Variants in CCSER1 observed in about 807,000 individuals in gnomAD.
CCSER1 encodes the protein serine-rich coiled-coil domain-containing protein 1.
A neutral mutation model predicts 82.0 loss-of-function variants in CCSER1; 41 were observed. The observed-to-expected ratio is 0.50, with a 90% CI of 0.39 to 0.65. The LOEUF is 0.65. CCSER1 is among the 30% of genes least tolerant of loss of function. The probability of loss-of-function intolerance (pLI) is 0.00; values close to 1 mark genes in which losing one functional copy is unlikely to be tolerated. For missense variants in CCSER1, 1,119 were observed against 1,064.2 expected (o/e 1.05, Z -0.72); for synonymous variants, 414 against 383.9 (o/e 1.08, Z -0.92).
At chr4:90,441,044 T>G (rs571194561) in intron 4 of CCSER1, among the ~76,000 whole-genome samples, 2 of 152,292 alleles carry the variant, frequency 1.3e-5, no homozygotes, top group East Asian at 3.9e-4. Flanking sequence ...AACAATGGCA[T>G]AAAGGCCATT....
rs796259523 is a variant in CCSER1, at chr4:90,276,298, CCTTCCTTCCTTT to C, written c.-41-31942_-41-31931del. On this transcript the variant is annotated intron_variant, in intron 1 of 10. Coordinates refer to ENST00000509176, the MANE Select transcript of CCSER1 (RefSeq NM_001145065.2). The stretch of plus-strand genomic sequence containing the variant: ...TCCTTCCTTCCTTCCTTCCTTCCTT[CCTTCCTTCCTTT>C]CTTTCTTTTTCTTTCTTTCTTTCTT... Among the ~76,000 whole-genome samples, 1,216 of 122,584 alleles carry C rather than the reference CCTTCCTTCCTTT, an allele frequency of 9.9e-3. 32 individuals carry two copies. The highest frequency in any genetic ancestry group is 0.018 in the South Asian group (63 of 3,506). 80.4% of individuals were successfully genotyped at this position (122,584 alleles called of 152,430 possible).
chr4:90,748,193 C>T (rs1482881497), intron 7 of CCSER1, among the ~76,000 whole-genome samples: 2 of 107,972 alleles, frequency 1.9e-5, no homozygotes, highest in Admixed American at 1.0e-4. Context: ...CCCCTCCCCC[C>T]ACCCCACAAT....
intron 10 of CCSER1, among the ~76,000 whole-genome samples, chr4:91,522,104 G>C (rs1262555734): frequency 6.6e-6 from 1 of 152,168 alleles, no homozygotes; most frequent in African/African-American, 2.4e-5. Flanking sequence ...CATATGGCTA[G>C]CCCGTTTTCC....
intron 8 of CCSER1, among the ~76,000 whole-genome samples, chr4:90,907,438 A>G (rs1046684242): frequency 2.0e-5 from 3 of 152,076 alleles, no homozygotes; most frequent in Non-Finnish European, 4.4e-5. Context: ...ATATGTCTGT[A>G]TTCATCATTT....
intron 6 of CCSER1, among the ~76,000 whole-genome samples, chr4:90,714,642 G>A (rs1741296647): frequency 6.6e-6 from 1 of 151,878 alleles, no homozygotes; most frequent in Non-Finnish European, 1.5e-5. Context: ...ATAGCACCTT[G>A]GGGGAATGCT....
At chr4:90,968,000 C>T (rs1390732809) in intron 9 of CCSER1, among the ~76,000 whole-genome samples, 3 of 151,990 alleles carry the variant, frequency 2.0e-5, no homozygotes, top group African/African-American at 7.3e-5. Flanking sequence ...CATGATTTCT[C>T]TAACGGAGAA....
intron 1 of CCSER1, among the ~76,000 whole-genome samples, chr4:90,138,199 A>C (rs1485970074): frequency 6.6e-6 from 1 of 151,974 alleles, no homozygotes; most frequent in East Asian, 1.9e-4. Context: ...TTCTTTTTTA[A>C]ATTTTTTTTT....
At chr4:90,924,465 A>G (rs1728796984) in intron 9 of CCSER1, among the ~76,000 whole-genome samples, 1 of 151,928 alleles carries the variant, frequency 6.6e-6, no homozygotes, top group Non-Finnish European at 1.5e-5. Flanking sequence ...AATTAAAAAC[A>G]ACACTAAAAA....
At chr4:91,153,875 T>C (rs1456444014) in intron 10 of CCSER1, among the ~76,000 whole-genome samples, 1 of 151,884 alleles carries the variant, frequency 6.6e-6, no homozygotes. Flanking sequence ...CTGGAAGCTT[T>C]GTCTCAGAGG....
chr4:90,799,894 T>C (rs1488423837), intron 7 of CCSER1, among the ~76,000 whole-genome samples: 1 of 152,150 alleles, frequency 6.6e-6, no homozygotes, highest in Non-Finnish European at 1.5e-5. Flanking sequence ...CAGAGGCCCA[T>C]GGTGAGAGCA....
intron 10 of CCSER1, among the ~76,000 whole-genome samples, chr4:91,560,968 G>A (rs1418025736): frequency 1.3e-5 from 2 of 151,310 alleles, no homozygotes; most frequent in African/African-American, 4.8e-5. Flanking sequence ...ATAACTGAAA[G>A]CAAACTACTG....
chr4:91,167,818 A>G (rs1732258493), intron 10 of CCSER1, among the ~76,000 whole-genome samples: 1 of 152,246 alleles, frequency 6.6e-6, no homozygotes, highest in Non-Finnish European at 1.5e-5. Context: ...TTAATAACAT[A>G]ATATAACCTA....
At chr4:91,384,927 TG>T (rs1325870757) in intron 10 of CCSER1, among the ~76,000 whole-genome samples, 1 of 152,068 alleles carries the variant, frequency 6.6e-6, no homozygotes, top group Non-Finnish European at 1.5e-5. Flanking sequence ...CTCAAAAATT[TG>T]AAAATACACT....
intron 10 of CCSER1, among the ~76,000 whole-genome samples, chr4:91,450,514 G>C (rs1198959952): frequency 2.0e-5 from 3 of 151,954 alleles, no homozygotes; most frequent in Admixed American, 1.3e-4. Flanking sequence ...TCACAGTATA[G>C]TAATCTTGGA....
intron 10 of CCSER1, among the ~76,000 whole-genome samples, chr4:91,284,680 G>T (rs1178542894): frequency 6.6e-6 from 1 of 151,998 alleles, no homozygotes; most frequent in African/African-American, 2.4e-5. Context: ...AATCATGGTT[G>T]TTTACCTCCA....
At chr4:90,555,611 A>G (rs568631968) in intron 5 of CCSER1, among the ~76,000 whole-genome samples, 1 of 152,206 alleles carries the variant, frequency 6.6e-6, no homozygotes, top group Admixed American at 6.5e-5. Flanking sequence ...GAGAGAAAAG[A>G]TAAAGGACAC....
chr4:90,364,486 A>G (rs914784012), intron 3 of CCSER1, among the ~76,000 whole-genome samples: 8 of 152,102 alleles, frequency 5.3e-5, no homozygotes, highest in Non-Finnish European at 1.2e-4. Flanking sequence ...CAACTTATTC[A>G]TTGGTGAAAA....
intron 1 of CCSER1, among the ~76,000 whole-genome samples, chr4:90,228,268 G>T (rs575150486): frequency 0.016 from 2,397 of 152,298 alleles, 35 homozygotes; most frequent in African/African-American, 0.041. Flanking sequence ...GCACGCAGCT[G>T]GAGATCTGAG....
At position 90,839,412 on chromosome 4, in the gene CCSER1, A is replaced by G. The variant is rs140051750; in HGVS notation, c.2094+23567A>G. ...ACTACAGGTTATGAAACAAGTGAAA[A>G]CTAAATATGGGATAGGGCATGGAAC... On this transcript the variant is annotated intron_variant, in intron 8 of 10. Transcript: ENST00000509176. 5.4e-3 allele frequency among the ~76,000 whole-genome samples: 817 copies of G among 152,330 alleles called. 4 individuals are homozygous for G. Among genetic ancestry groups the G allele is most frequent in the Middle Eastern group, 0.014 (4 of 294 alleles).
Sources: gnomAD v4.1 joint callset for allele counts (sites outside exome capture counted in the v4.1 genomes callset) on GRCh38, gnomAD v4.1.1 for gene constraint, MANE v1.5 for transcripts, NCBI Gene and HGNC (gene_info 2026-07-23, HGNC 2026-07-21) for gene names.